The following DOCK2 variants were observed in gnomAD, a reference collection of about 807,000 sequenced individuals.
The protein encoded by DOCK2 is dedicator of cytokinesis 2.
In DOCK2, 87 loss-of-function variants were observed where a neutral mutation model predicts 248.9. The observed-to-expected ratio is 0.35, with a 90% CI of 0.29 to 0.42. The LOEUF (loss-of-function observed/expected upper bound fraction) is 0.42. Among genes scored for constraint, DOCK2 ranks in the 10% least tolerant of loss-of-function variants. DOCK2 has a pLI of 1.00. For missense variants in DOCK2, 1,747 were observed against 2,300.2 expected (o/e 0.76, Z 4.92); for synonymous variants, 805 against 821.6 (o/e 0.98, Z 0.35).
intron 27 of DOCK2, among the ~76,000 whole-genome samples, chr5:169,879,892 G>A (rs888833165): frequency 2.6e-5 from 4 of 152,096 alleles, no homozygotes; most frequent in Non-Finnish European, 5.9e-5. Flanking sequence ...ATCATTTTAA[G>A]GTAACAGAAA....
At chr5:169,980,101 A>G (rs1438770289) in intron 27 of DOCK2, among the ~76,000 whole-genome samples, 1 of 152,184 alleles carries the variant, frequency 6.6e-6, no homozygotes, top group African/African-American at 2.4e-5. Context: ...GGCAGCCTGC[A>G]GTTCTGACAA....
chr5:169,864,399 C>T (rs1199435860), intron 27 of DOCK2: 1 of 1,551,284 alleles, frequency 6.4e-7, no homozygotes, highest in African/African-American at 1.4e-5. Flanking sequence ...GCTCTGCTTC[C>T]TCCAGACTCT....
At chr5:169,807,695 G>T (rs1050362086) in intron 26 of DOCK2, among the ~76,000 whole-genome samples, 2 of 151,704 alleles carry the variant, frequency 1.3e-5, no homozygotes, top group Non-Finnish European at 2.9e-5. Flanking sequence ...TTAGCTGGGC[G>T]TGGTGGTGGG....
chr5:169,949,956 T>G (rs1242496530), intron 27 of DOCK2, among the ~76,000 whole-genome samples: 1 of 152,194 alleles, frequency 6.6e-6, no homozygotes, highest in African/African-American at 2.4e-5. Flanking sequence ...TAGATTATCC[T>G]CTGGCAGGAT....
chr5:169,712,304 C>G (rs1018708079), intron 17 of DOCK2, 81 bp downstream of exon 17: 1 of 1,230,966 alleles, frequency 8.1e-7, no homozygotes, highest in Non-Finnish European at 1.2e-6. Context: ...TAGTGGTCAA[C>G]AGCAGGGACC....
intron 27 of DOCK2, among the ~76,000 whole-genome samples, chr5:169,965,972 C>T (rs1198333507): frequency 6.6e-6 from 1 of 152,140 alleles, no homozygotes; most frequent in East Asian, 1.9e-4. Flanking sequence ...TCAGCTGGGA[C>T]CTTGGAGACT....
rs540613819 is a variant in DOCK2, at chr5:169,686,349, C to T, written c.761+1999C>T. Among the ~76,000 whole-genome samples, 65 of 152,308 alleles carry T rather than the reference C, an allele frequency of 4.3e-4. 3 individuals carry two copies. The South Asian group carries it at 0.013, about 30-fold the overall frequency. ...GCTGGACCAGCTCTGTGGAGGGAGA[C>T]CATGAATCAGCGAGGTGGCAGCTGT... On this transcript the variant is annotated intron_variant, in intron 8 of 51. Transcript: ENST00000520908.
chr5:169,876,101 G>T (rs1772317456), intron 27 of DOCK2, among the ~76,000 whole-genome samples: 1 of 152,132 alleles, frequency 6.6e-6, no homozygotes, highest in Non-Finnish European at 1.5e-5. Flanking sequence ...TGTGACCACG[G>T]CACTCTGACC....
At chr5:169,797,053 A>G (rs1465175870) in intron 25 of DOCK2, among the ~76,000 whole-genome samples, 1 of 152,222 alleles carries the variant, frequency 6.6e-6, no homozygotes, top group African/African-American at 2.4e-5. Flanking sequence ...TTGACACAGA[A>G]CATGAAGGAA....
intron 50 of DOCK2, chr5:170,080,498 G>A (rs1386645963): frequency 4.6e-6 from 3 of 655,142 alleles, no homozygotes; most frequent in East Asian, 2.9e-5. Flanking sequence ...AGCAGGGACA[G>A]GGGAGAGGCC....
At chr5:169,672,300 G>A (rs557481100) in intron 5 of DOCK2, among the ~76,000 whole-genome samples, 3 of 152,212 alleles carry the variant, frequency 2.0e-5, no homozygotes, top group Admixed American at 1.3e-4. Context: ...GAGCCACCAC[G>A]CCCGGCCTAC....
chr5:169,879,501 A>G (rs931292017), intron 27 of DOCK2, among the ~76,000 whole-genome samples: 1 of 152,200 alleles, frequency 6.6e-6, no homozygotes, highest in African/African-American at 2.4e-5. Context: ...CTGGGAGAAC[A>G]GTCTGGCTTT....
At chr5:169,886,542 AT>A (rs1772982105) in intron 27 of DOCK2, among the ~76,000 whole-genome samples, 1 of 152,232 alleles carries the variant, frequency 6.6e-6, no homozygotes, top group South Asian at 2.1e-4. Context: ...TCCCTAGTCC[AT>A]AATAGTTATT....
At chr5:169,876,491 C>T (rs1300836518) in intron 27 of DOCK2, among the ~76,000 whole-genome samples, 1 of 152,206 alleles carries the variant, frequency 6.6e-6, no homozygotes, top group Non-Finnish European at 1.5e-5. Flanking sequence ...CACAGTCAAA[C>T]TTTGCCTTTC....
rs1166861366 is a variant in DOCK2 at position 170,008,544 on chromosome 5, T to A, written c.3120T>A (p.Asp1040Glu). ...TGGCAGTGGCTTTTATCACCCAGGA[T>A]TCTCTGCAGCTGGAGCAGTTCTCAC... is the stretch of plus-strand genomic sequence containing the variant. ...FHLAVAFITQ[D>E]SLQLEQFSHA... The change falls in exon 31 of 52, where the codon GAT (aspartate) becomes GAA (glutamate). Residue 1040 changes from aspartate (D) to glutamate (E), a missense_variant. Physicochemically the swap from Asp to Glu is conservative, Grantham distance 45. Transcript: ENST00000520908. 1.9e-6 allele frequency: 3 copies of A among 1,614,172 alleles called. No individual in the cohort carries two copies. Among genetic ancestry groups the A allele is most frequent in the East Asian group, 4.5e-5 (2 of 44,880 alleles).
rs1366577766 is a variant in DOCK2 at position 170,019,020 on chromosome 5, T to C, written c.3293T>C (p.Ile1098Thr). ...MVGPILEMTL[I>T]PEAELRKATI... Reference sequence around the variant, plus strand: ...GGACCTATATTAGAGATGACACTTATCCCTGAGGCTGAGCTCCGGAAAGCC... The same window carrying C: ...GGACCTATATTAGAGATGACACTTACCCCTGAGGCTGAGCTCCGGAAAGCC... Residue 1098 changes from isoleucine to threonine, a missense_variant, in exon 33 of 52, where the codon ATC (isoleucine) becomes ACC (threonine). Ile to Thr is a moderately conservative substitution (Grantham distance 89). Coordinates refer to ENST00000520908, the MANE Select transcript of DOCK2 (RefSeq NM_004946.3). 2 of 1,614,036 alleles carry C rather than the reference T, an allele frequency of 1.2e-6. No individual in the cohort carries two copies. The highest frequency in any genetic ancestry group is 3.3e-5 in the Admixed American group (2 of 60,006).
At chr5:169,777,564 C>G (rs1206598386) in intron 25 of DOCK2, among the ~76,000 whole-genome samples, 1 of 152,158 alleles carries the variant, frequency 6.6e-6, no homozygotes, top group African/African-American at 2.4e-5. Context: ...GAGAGACTTC[C>G]CATTTCTGGT....
chr5:169,865,675 G>A (rs987556465), intron 27 of DOCK2, among the ~76,000 whole-genome samples: 1 of 152,218 alleles, frequency 6.6e-6, no homozygotes, highest in East Asian at 1.9e-4. Context: ...CAAGGATGAG[G>A]AGCCAGCGTG....
chr5:169,761,706 G>A, intron 25 of DOCK2, 81 bp downstream of exon 25: 2 of 1,157,586 alleles, frequency 1.7e-6, no homozygotes, highest in Non-Finnish European at 2.6e-6. Context: ...GGCAGGAGAG[G>A]GCAACCTGTC....
Sources: gnomAD v4.1 joint callset for allele counts (sites outside exome capture counted in the v4.1 genomes callset) on GRCh38, gnomAD v4.1.1 for gene constraint, MANE v1.5 for transcripts, NCBI Gene and HGNC (gene_info 2026-07-23, HGNC 2026-07-21) for gene names.